The following NFE2L3 variants were observed in gnomAD, a reference collection of about 807,000 sequenced individuals.
NFE2L3 encodes NFE2 like bZIP transcription factor 3.
A neutral mutation model predicts 23.5 loss-of-function variants in NFE2L3; 18 were observed. The ratio of observed to expected loss-of-function variants is 0.77; its 90% CI spans 0.53 to 1.13. NFE2L3 has a LOEUF of 1.13. NFE2L3 is among the 50% of genes most tolerant of loss of function. The probability of loss-of-function intolerance (pLI) is 0.00; values close to 1 mark genes in which losing one functional copy is unlikely to be tolerated. For synonymous variants in NFE2L3, 424 were observed against 354.5 expected (o/e 1.20, Z -2.20); for missense variants, 1,152 against 877.2 (o/e 1.31, Z -3.96).
chr7:26,180,198 C>A (rs1458608996), intron 2 of NFE2L3, among the ~76,000 whole-genome samples: 2 of 152,204 alleles, frequency 1.3e-5, no homozygotes, highest in Non-Finnish European at 2.9e-5. Context: ...GGAAAACACA[C>A]ACTGAGTTCT....
At position 26,178,133 on chromosome 7, in the gene NFE2L3, C is replaced by T. The variant is rs1784447268; in HGVS notation, c.750+11C>T. The T allele has an allele frequency of 6.2e-7, 1 of 1,605,382 alleles. No individual in the cohort carries two copies. Among genetic ancestry groups the T allele is most frequent in the African/African-American group, 1.3e-5 (1 of 74,336 alleles). ...GAATCTAGAAATGAGGTAAGCCTGT[C>T]AGAATATTCAAGCCTTGCCGTTTTG... On this transcript the variant is annotated intron_variant, in intron 2 of 3. Transcript: ENST00000056233.
rs1226490774 is a variant in NFE2L3, at chr7:26,178,106, C to T, written c.734C>T (p.Thr245Ile). 6.2e-7 allele frequency: 1 copy of T among 1,613,222 alleles called. No individual in the cohort carries two copies. Among genetic ancestry groups the T allele is most frequent in the Admixed American group, 1.7e-5 (1 of 59,846 alleles). The change falls in exon 2 of 4, where the codon ACT (threonine) becomes ATT (isoleucine). Residue 245 changes from threonine (T) to isoleucine (I), a missense_variant. Coordinates refer to ENST00000056233, the MANE Select transcript of NFE2L3 (RefSeq NM_004289.7). ...CCTGACTGGGAGGCAGAAAAGACCA[C>T]TGAATCTAGAAATGAGGTAAGCCTG... The part of the protein sequence containing the change: ...EKPDWEAEKT[T>I]ESRNERHLNG...
At chr7:26,174,651 C>T (rs1784371521) in intron 1 of NFE2L3, 1 of 152,230 alleles carries the variant, frequency 6.6e-6, no homozygotes. Context: ...GAACATCAGC[C>T]TCCTTTTTTC....
chr7:26,185,243 G>A lies in NFE2L3; in HGVS notation c.1545G>A (p.Pro515=), dbSNP rs754023625. ...CAGAATCTACTTCTGAACCTTTTCC[G>A]TGGCCTGGGAAGTCACAGAAGATAA... The part of the protein sequence containing the change: ...TAPESTSEPF[P]WPGKSQKIRS... The change falls in exon 4 of 4, where the codon CCG becomes CCA. Residue 515 remains proline, a synonymous_variant. Coordinates refer to ENST00000056233, the MANE Select transcript of NFE2L3 (RefSeq NM_004289.7). The A allele has an allele frequency of 5.8e-5, 94 of 1,613,908 alleles. 1 individual carries two copies. In the South Asian group the frequency reaches 7.4e-4, roughly 13 times the overall value.
At chr7:26,165,549 T>A (rs912284794) in intron 1 of NFE2L3, among the ~76,000 whole-genome samples, 1 of 152,276 alleles carries the variant, frequency 6.6e-6, no homozygotes, top group Non-Finnish European at 1.5e-5. Context: ...GATCTTGGGC[T>A]GAGACGATGG....
chr7:26,173,824 CAG>C (rs1214047135), intron 1 of NFE2L3: 1 of 152,196 alleles, frequency 6.6e-6, no homozygotes. Flanking sequence ...ACCAAGCAGA[CAG>C]AGCCCTTGCC....
rs528493343 is a variant in NFE2L3, at chr7:26,164,012, T to C, written c.570+10944T>C. On this transcript the variant is annotated intron_variant, in intron 1 of 3. Coordinates refer to ENST00000056233, the MANE Select transcript of NFE2L3 (RefSeq NM_004289.7). ...CATCCTTTTTTATGGCTGCATAGTA[T>C]TCCATGTTGTATATTTGCCACATTT... Among the ~76,000 whole-genome samples, 9 of 152,372 alleles carry C rather than the reference T, an allele frequency of 5.9e-5. No homozygotes were observed. The South Asian group carries it at 1.9e-3, about 32-fold the overall frequency.
intron 1 of NFE2L3, among the ~76,000 whole-genome samples, chr7:26,172,850 GTTA>G (rs1036114667): frequency 5.9e-5 from 9 of 152,064 alleles, no homozygotes; most frequent in African/African-American, 1.2e-4. Context: ...CTCCTGTAGT[GTTA>G]TTATTTTTCT....
chr7:26,172,100 TAAG>T lies in NFE2L3; in HGVS notation c.571-5840_571-5838del, dbSNP rs1018593290. ...AAAGCAATTAGATAAGAAAATGAAA[TAAG>T]AAATTTAAATGTTAGAAGAGTTGAA... On this transcript the variant is annotated intron_variant, in intron 1 of 3. Coordinates refer to ENST00000056233, the MANE Select transcript of NFE2L3 (RefSeq NM_004289.7). 3.3e-5 allele frequency among the ~76,000 whole-genome samples: 5 copies of T among 152,328 alleles called. No homozygotes were observed. The South Asian group carries it at 1.0e-3, about 32-fold the overall frequency.
chr7:26,172,360 A>G (rs951922552), intron 1 of NFE2L3, among the ~76,000 whole-genome samples: 7 of 152,242 alleles, frequency 4.6e-5, no homozygotes, highest in Non-Finnish European at 7.3e-5. Flanking sequence ...ATTTAGCTAT[A>G]TTAATAACGA....
At chr7:26,158,250 T>C (rs1180586615) in intron 1 of NFE2L3, among the ~76,000 whole-genome samples, 3 of 152,146 alleles carry the variant, frequency 2.0e-5, no homozygotes, top group Admixed American at 1.3e-4. Flanking sequence ...GGTTTTGCCA[T>C]GTTACCCAGG....
chr7:26,152,682 T>C lies in NFE2L3; in HGVS notation c.184T>C (p.Phe62Leu). 1 of 1,485,852 alleles carries C rather than the reference T, an allele frequency of 6.7e-7. No individual in the cohort carries two copies. Among genetic ancestry groups the C allele is most frequent in the Admixed American group, 2.2e-5 (1 of 45,016 alleles). 92.0% of individuals were successfully genotyped at this position (1,485,852 alleles called of 1,614,324 possible). A position where few individuals can be genotyped will look rare whatever the true frequency, so the allele number is the denominator to read the frequency against. Residue 62 changes from phenylalanine (F) to leucine (L), a missense_variant, in exon 1 of 4, where the codon TTC becomes CTC. By Grantham distance (22) the Phe-to-Leu change is conservative. Transcript: ENST00000056233. The surrounding 1 kb of genome is among the most constrained non-coding windows in gnomAD (Gnocchi z 4.4). ...CAGCTCCGCCTACGCGCTCAGCCCCTTCTCGGCCTCGGGAGGGTGGGGGCG... is the reference window on the plus strand; with the variant it reads ...CAGCTCCGCCTACGCGCTCAGCCCCCTCTCGGCCTCGGGAGGGTGGGGGCG... ...PASSAYALSP[F>L]SASGGWGRAG...
In NFE2L3 at chr7:26,185,816, G is replaced by C; in HGVS notation, c.*33G>C. On this transcript the variant is annotated 3_prime_UTR_variant, in exon 4 of 4. Coordinates refer to ENST00000056233, the MANE Select transcript of NFE2L3 (RefSeq NM_004289.7). ...CTGAAGATGGACTCTATTATGTGAAGTAGTAATGTTCAGAAACTGATTATT... is the reference window on the plus strand; with the variant it reads ...CTGAAGATGGACTCTATTATGTGAACTAGTAATGTTCAGAAACTGATTATT... 2 of 1,521,108 alleles carry C rather than the reference G, an allele frequency of 1.3e-6. No homozygotes were observed. The allele number at this position is 1,521,108 out of a possible 1,614,324, so 94.2% of individuals were successfully genotyped here. A position where few individuals can be genotyped will look rare whatever the true frequency, so the allele number is the denominator to read the frequency against.
At chr7:26,178,505 A>G (rs771827848) in intron 2 of NFE2L3, among the ~76,000 whole-genome samples, 12 of 152,126 alleles carry the variant, frequency 7.9e-5, no homozygotes, top group South Asian at 4.1e-4. Context: ...CCGAGGACCA[A>G]CCCTACAGCC....
At chr7:26,182,495 A>G (rs747269479) in intron 2 of NFE2L3, among the ~76,000 whole-genome samples, 1 of 152,178 alleles carries the variant, frequency 6.6e-6, no homozygotes, top group East Asian at 1.9e-4. Flanking sequence ...GCAGTGACAC[A>G]TGCCTGTAGT....
At position 26,152,859 on chromosome 7, in the gene NFE2L3, G is replaced by A; in HGVS notation, c.361G>A (p.Ala121Thr). ...WLVHSVAAGS[A>T]DEAHGLLGAA... ...GGTGCACAGCGTGGCTGCCGGGAGC[G>A]CGGACGAGGCCCACGGGCTGCTCGG... The change falls in exon 1 of 4, where the codon GCG becomes ACG. Residue 121 changes from alanine (A) to threonine (T), a missense_variant. By Grantham distance (58) the Ala-to-Thr change is moderately conservative. Transcript: ENST00000056233. The surrounding 1 kb of genome is among the most constrained non-coding windows in gnomAD (Gnocchi z 4.4). The A allele has an allele frequency of 6.8e-7, 1 of 1,471,912 alleles. No individual in the cohort carries two copies. The highest frequency in any genetic ancestry group is 8.9e-7 in the Non-Finnish European group (1 of 1,119,394). The allele number at this position is 1,471,912 out of a possible 1,614,324, so 91.2% of individuals were successfully genotyped here.
chr7:26,155,851 C>T (rs1784073771), intron 1 of NFE2L3, among the ~76,000 whole-genome samples: 1 of 152,140 alleles, frequency 6.6e-6, no homozygotes, highest in South Asian at 2.1e-4. Context: ...TTCAGTGTCT[C>T]ATGTCAAGTG....
At chr7:26,168,427 T>TGCCCAGAC (rs1554322150) in intron 1 of NFE2L3, among the ~76,000 whole-genome samples, 7 of 147,512 alleles carry the variant, frequency 4.7e-5, no homozygotes, top group South Asian at 2.1e-4. Context: ...TGAGCCACTG[T>TGCCCAGAC]AGTCTCCATT....
intron 1 of NFE2L3, among the ~76,000 whole-genome samples, chr7:26,159,470 G>A (rs1164136259): frequency 6.6e-6 from 1 of 152,154 alleles, no homozygotes; most frequent in East Asian, 1.9e-4. Context: ...GTGGAGACTG[G>A]GTCTTGGCTT....
Sources: allele counts gnomAD v4.1 joint callset (sites outside exome capture counted in the v4.1 genomes callset), GRCh38; gene constraint gnomAD v4.1.1; non-coding constraint Gnocchi (gnomAD v3.1); transcripts MANE v1.5; gene names NCBI Gene and HGNC (gene_info 2026-07-23, HGNC 2026-07-21).